The following ZNF438 variants were observed in gnomAD, a reference collection of about 807,000 sequenced individuals.
ZNF438 encodes zinc finger protein 438.
ZNF438 carries 25 observed loss-of-function variants against 38.0 expected under a neutral mutation model. The ratio of observed to expected loss-of-function variants is 0.66; its 90% confidence interval spans 0.48 to 0.92. The LOEUF (loss-of-function observed/expected upper bound fraction) is 0.92. ZNF438 is among the 40% of genes least tolerant of loss of function. The probability of loss-of-function intolerance (pLI) is 0.00; values close to 1 mark genes in which losing one functional copy is unlikely to be tolerated. For synonymous variants in ZNF438, 372 were observed against 364.1 expected (o/e 1.02, Z -0.25); for missense variants, 1,007 against 999.6 (o/e 1.01, Z -0.10).
chr10:30,866,119 T>C (rs1588874990), intron 4 of ZNF438, among the ~76,000 whole-genome samples: 1 of 152,312 alleles, frequency 6.6e-6, no homozygotes, highest in South Asian at 2.1e-4. Context: ...TACAAAATTT[T>C]AGTTTTATAA....
In ZNF438 at chr10:31,008,898, T is replaced by C. The variant is rs372858417; in HGVS notation, c.-192+22935A>G. On this transcript the variant is annotated intron_variant, in intron 1 of 5. Coordinates refer to ENST00000413025, the Ensembl canonical transcript of ZNF438. The stretch of plus-strand genomic sequence containing the variant: ...ATTCCTACCAGCAATGTATGGAGCG[T>C]CCAATTACTCCACATCCTCACTAAC... Among the ~76,000 whole-genome samples the C allele has an allele frequency of 3.3e-5, 5 of 152,324 alleles. No individual in the cohort carries two copies. In the East Asian group the frequency reaches 9.6e-4, roughly 29 times the overall value.
At chr10:31,015,861 T>C (rs1004024584) in intron 1 of ZNF438, among the ~76,000 whole-genome samples, 9 of 152,200 alleles carry the variant, frequency 5.9e-5, no homozygotes, top group African/African-American at 2.2e-4. Flanking sequence ...TTACTGTGTC[T>C]TCACACAGGT....
chr10:30,935,302 T>C (rs2046126192), intron 2 of ZNF438, among the ~76,000 whole-genome samples: 1 of 152,232 alleles, frequency 6.6e-6, no homozygotes, highest in African/African-American at 2.4e-5. Context: ...ACAGCCTTCT[T>C]TGGCTCATGG....
At chr10:30,888,898 G>C (rs115941255) in intron 3 of ZNF438, among the ~76,000 whole-genome samples, 1,993 of 152,296 alleles carry the variant, frequency 0.013, 51 homozygotes, top group African/African-American at 0.045. Flanking sequence ...CCAGTGATGG[G>C]ATTGCTGGAT....
chr10:30,886,490 A>G (rs766407701), intron 3 of ZNF438, among the ~76,000 whole-genome samples: 2 of 152,208 alleles, frequency 1.3e-5, no homozygotes, highest in Admixed American at 1.3e-4. Context: ...TGAAAATAGC[A>G]TAATTCAAAA....
rs143468744 is a variant in ZNF438, at chr10:30,860,417, C to T, written c.38-10050G>A. On this transcript the variant is annotated intron_variant, in intron 4 of 5. Transcript: ENST00000413025. Reference sequence around the variant, plus strand: ...CTGAAAGCTCTCGTGTCATGTAACACAGCTGATTCAATGTATATACCTTTT... The same window carrying T: ...CTGAAAGCTCTCGTGTCATGTAACATAGCTGATTCAATGTATATACCTTTT... Among the ~76,000 whole-genome samples the T allele has an allele frequency of 1.1e-4, 16 of 152,348 alleles. No individual in the cohort carries two copies. In the East Asian group the frequency reaches 3.1e-3, roughly 29 times the overall value.
At chr10:30,929,832 G>A (rs1249140650) in intron 2 of ZNF438, among the ~76,000 whole-genome samples, 2 of 151,950 alleles carry the variant, frequency 1.3e-5, no homozygotes, top group African/African-American at 4.8e-5. Context: ...GCTAGACACA[G>A]ATCACTGATT....
At position 30,977,707 on chromosome 10, in the gene ZNF438, C is replaced by T. The variant is rs558764877; in HGVS notation, c.-191-36056G>A. 5.3e-5 allele frequency among the ~76,000 whole-genome samples: 8 copies of T among 152,154 alleles called. No homozygotes were observed. In the East Asian group the frequency reaches 1.5e-3, roughly 29 times the overall value. On this transcript the variant is annotated intron_variant, in intron 1 of 5. Transcript: ENST00000413025. The stretch of plus-strand genomic sequence containing the variant: ...TAAAGGAAGAAATAGATTCTGGGCC[C>T]GGCACGGTGGCTCACGTCTGTAATA...
At chr10:30,939,980 T>C (rs2046646298) in intron 2 of ZNF438, among the ~76,000 whole-genome samples, 1 of 152,174 alleles carries the variant, frequency 6.6e-6, no homozygotes, top group South Asian at 2.1e-4. Flanking sequence ...GACATGAACT[T>C]TTGGAATACA....
rs1389546037 is a variant in ZNF438, at chr10:30,896,727, A to G, written c.-32+12206T>C. ...AGTTGTTTGATGGGTATACGGTTCCAGTTTTACAAGATGAAAAATTCTAGA... is the reference window on the plus strand; with the variant it reads ...AGTTGTTTGATGGGTATACGGTTCCGGTTTTACAAGATGAAAAATTCTAGA... On this transcript the variant is annotated intron_variant, in intron 3 of 5. Transcript: ENST00000413025. Among the ~76,000 whole-genome samples, 7 of 152,166 alleles carry G rather than the reference A, an allele frequency of 4.6e-5. No individual in the cohort carries two copies. In the South Asian group the frequency reaches 1.0e-3, roughly 23 times the overall value.
Position 30,994,579 on chromosome 10 carries a change from G to C in ZNF438, c.-192+37254C>G, listed in dbSNP as rs148486623. On this transcript the variant is annotated intron_variant, in intron 1 of 5. Transcript: ENST00000413025. ...CCCACCAGCAAGAAGGCCCTCACCA[G>C]AGGCTCGCACCATGCTCTTGGACTT... 7.2e-5 allele frequency among the ~76,000 whole-genome samples: 11 copies of C among 152,322 alleles called. No individual in the cohort carries two copies. In the East Asian group the frequency reaches 2.1e-3, roughly 29 times the overall value.
chr10:30,941,104 T>C (rs117521650), intron 2 of ZNF438, among the ~76,000 whole-genome samples: 12,023 of 152,080 alleles, frequency 0.079, 572 homozygotes, highest in Non-Finnish European at 0.11. Context: ...TGGAGTCTCG[T>C]TCTGTTGCCC....
intron 2 of ZNF438, chr10:30,921,001 A>G (rs1169676922): frequency 6.6e-6 from 1 of 152,218 alleles, no homozygotes; most frequent in East Asian, 1.9e-4. Flanking sequence ...ACTCAAGCAT[A>G]TAAGATCTTT....
At position 30,868,160 on chromosome 10, in the gene ZNF438, C is replaced by T. The variant is rs370535993; in HGVS notation, c.37+8838G>A. Among the ~76,000 whole-genome samples, 32 of 151,652 alleles carry T rather than the reference C, an allele frequency of 2.1e-4. 3 individuals are homozygous for T. Among genetic ancestry groups the T allele is most frequent in the African/African-American group, 6.8e-4 (28 of 41,312 alleles). On this transcript the variant is annotated intron_variant, in intron 4 of 5. Coordinates refer to ENST00000413025, the Ensembl canonical transcript of ZNF438. ...TCTCAACTCACTGCAACTTCCGTCT[C>T]CCCAGTTCAAGCAATTCTTTTGCCT... is the stretch of plus-strand genomic sequence containing the variant.
intron 1 of ZNF438, among the ~76,000 whole-genome samples, chr10:31,006,629 G>A (rs1460287794): frequency 6.6e-6 from 1 of 152,102 alleles, no homozygotes; most frequent in Non-Finnish European, 1.5e-5. Context: ...AGGTTGGTCA[G>A]AAGCACAGGT....
chr10:30,892,288 T>G (rs2040791269), intron 3 of ZNF438, among the ~76,000 whole-genome samples: 1 of 152,152 alleles, frequency 6.6e-6, no homozygotes, highest in Non-Finnish European at 1.5e-5. Context: ...ATTTATAAAT[T>G]AGGCACAGGA....
chr10:30,850,239 G>A, exon 5 of ZNF438: 2 of 1,614,188 alleles, frequency 1.2e-6, no homozygotes, highest in Non-Finnish European at 1.7e-6. Context: ...GAGCGTGATG[G>A]TGAATGACAT....
chr10:30,910,515 C>G (rs926140658), intron 2 of ZNF438: 1 of 151,658 alleles, frequency 6.6e-6, no homozygotes, highest in African/African-American at 2.4e-5. Context: ...CTGACTGAAG[C>G]AGAAAACAAT....
intron 1 of ZNF438, among the ~76,000 whole-genome samples, chr10:30,965,058 A>G (rs983440056): frequency 1.3e-5 from 2 of 152,212 alleles, no homozygotes; most frequent in Non-Finnish European, 2.9e-5. Context: ...CAAAGGTCTA[A>G]TATCCAGAAT....
Sources: gnomAD v4.1 joint callset for allele counts (sites outside exome capture counted in the v4.1 genomes callset) on GRCh38, gnomAD v4.1.1 for gene constraint, MANE v1.5 for transcripts, NCBI Gene and HGNC (gene_info 2026-07-23, HGNC 2026-07-21) for gene names.